GRIN2B: variants seen among roughly 807,000 people sequenced by gnomAD.
GRIN2B encodes the protein glutamate receptor ionotropic, NMDA 2B.
In GRIN2B, 5 loss-of-function variants were observed where a neutral mutation model predicts 114.5. The observed-to-expected ratio is 0.04, with a 90% CI of 0.02 to 0.09. The LOEUF is 0.09. Among genes scored for constraint, GRIN2B ranks in the 10% least tolerant of loss-of-function variants. GRIN2B has a pLI of 1.00. For missense variants in GRIN2B, 1,108 were observed against 1,943.5 expected (o/e 0.57, Z 8.08); for synonymous variants, 787 against 745.1 (o/e 1.06, Z -0.92).
intron 3 of GRIN2B, among the ~76,000 whole-genome samples, chr12:13,843,244 C>G (rs993045279): frequency 6.6e-6 from 1 of 151,628 alleles, no homozygotes; most frequent in Non-Finnish European, 1.5e-5. Flanking sequence ...CACACACACA[C>G]TCGCACAGAC....
At chr12:13,658,381 A>G (rs1320902896) in intron 5 of GRIN2B, among the ~76,000 whole-genome samples, 2 of 152,192 alleles carry the variant, frequency 1.3e-5, no homozygotes, top group African/African-American at 4.8e-5. Flanking sequence ...CGACTGCTAT[A>G]CTTTTGACAT....
intron 2 of GRIN2B, among the ~76,000 whole-genome samples, chr12:13,951,216 T>C (rs1867472447): frequency 6.6e-6 from 1 of 152,196 alleles, no homozygotes; most frequent in Non-Finnish European, 1.5e-5. Context: ...CAAATTTAAT[T>C]GAGTGTTCTA....
At chr12:13,773,575 C>T (rs1006280023) in intron 3 of GRIN2B, among the ~76,000 whole-genome samples, 7 of 152,078 alleles carry the variant, frequency 4.6e-5, no homozygotes, top group Non-Finnish European at 8.8e-5. Context: ...TGGAGTATGA[C>T]GAAACTGTTC....
At chr12:13,600,499 ATG>A (rs201880472) in intron 10 of GRIN2B, among the ~76,000 whole-genome samples, 4,956 of 113,346 alleles carry the variant, frequency 0.044, 134 homozygotes, top group East Asian at 0.21. Flanking sequence ...GTGTGTGTGC[ATG>A]TGTGTGTGTG....
At chr12:13,620,490 C>T (rs1436387181) in intron 5 of GRIN2B, among the ~76,000 whole-genome samples, 1 of 152,180 alleles carries the variant, frequency 6.6e-6, no homozygotes, top group Non-Finnish European at 1.5e-5. Flanking sequence ...TGTTGTTAAA[C>T]GTCAACCAGC....
chr12:13,861,772 C>T (rs1272966622), intron 3 of GRIN2B, among the ~76,000 whole-genome samples: 1 of 152,146 alleles, frequency 6.6e-6, no homozygotes, highest in African/African-American at 2.4e-5. Context: ...CTTGGGTGGT[C>T]TCCAATTTAG....
intron 3 of GRIN2B, among the ~76,000 whole-genome samples, chr12:13,780,150 T>A (rs1245898634): frequency 6.6e-6 from 1 of 152,186 alleles, no homozygotes; most frequent in Non-Finnish European, 1.5e-5. Flanking sequence ...ACTAACTAGA[T>A]GATACCTTTC....
At chr12:13,744,716 A>C (rs1157422501) in intron 4 of GRIN2B, among the ~76,000 whole-genome samples, 3 of 152,170 alleles carry the variant, frequency 2.0e-5, no homozygotes, top group Non-Finnish European at 4.4e-5. Context: ...AGATTTCAGC[A>C]GCGGGAAGCC....
At chr12:13,961,188 G>A (rs1313860843) in intron 2 of GRIN2B, among the ~76,000 whole-genome samples, 3 of 152,030 alleles carry the variant, frequency 2.0e-5, no homozygotes, top group Admixed American at 6.6e-5. Context: ...ATTCCAGTTC[G>A]AGGAAACAGA....
chr12:13,726,959 C>A (rs561166324), intron 4 of GRIN2B, among the ~76,000 whole-genome samples: 2 of 152,074 alleles, frequency 1.3e-5, no homozygotes, highest in Non-Finnish European at 2.9e-5. Context: ...AATTAGTTAT[C>A]GGAGCAATCC....
intron 3 of GRIN2B, among the ~76,000 whole-genome samples, chr12:13,791,553 A>T (rs950957549): frequency 6.6e-6 from 1 of 152,030 alleles, no homozygotes; most frequent in Non-Finnish European, 1.5e-5. Flanking sequence ...AGTATGTTGC[A>T]CTCTGTTTCT....
intron 4 of GRIN2B, among the ~76,000 whole-genome samples, chr12:13,709,198 C>G (rs930068505): frequency 4.6e-5 from 7 of 151,948 alleles, no homozygotes; most frequent in Admixed American, 3.9e-4. Flanking sequence ...TTCAAAGTGT[C>G]ACCAAACTGA....
intron 10 of GRIN2B, among the ~76,000 whole-genome samples, chr12:13,607,409 A>ATTTT (rs1949292483): frequency 6.7e-5 from 4 of 59,564 alleles, no homozygotes; most frequent in African/African-American, 4.6e-4. Context: ...TAATATATAA[A>ATTTT]ATATATAATA....
intron 3 of GRIN2B, among the ~76,000 whole-genome samples, chr12:13,798,052 A>T (rs916533508): frequency 1.3e-5 from 2 of 152,204 alleles, no homozygotes; most frequent in Non-Finnish European, 2.9e-5. Context: ...TGTATTTCTA[A>T]CAAGTCCCAG....
intron 5 of GRIN2B, among the ~76,000 whole-genome samples, chr12:13,641,148 T>C (rs1024104725): frequency 5.3e-5 from 8 of 152,072 alleles, no homozygotes; most frequent in African/African-American, 1.9e-4. Flanking sequence ...CTCAGCTCAC[T>C]GCAACCTCCA....
intron 2 of GRIN2B, among the ~76,000 whole-genome samples, chr12:13,905,111 T>C (rs1866515810): frequency 6.6e-6 from 1 of 152,210 alleles, no homozygotes; most frequent in African/African-American, 2.4e-5. Context: ...TACATAGTTC[T>C]GGTAGAATAA....
intron 3 of GRIN2B, among the ~76,000 whole-genome samples, chr12:13,814,980 G>C (rs1316735404): frequency 6.6e-6 from 1 of 151,924 alleles, no homozygotes; most frequent in African/African-American, 2.4e-5. Flanking sequence ...TTTAAACGTT[G>C]ATCTCATTTT....
intron 2 of GRIN2B, among the ~76,000 whole-genome samples, chr12:13,889,342 G>C (rs1219414711): frequency 6.6e-6 from 1 of 152,042 alleles, no homozygotes; most frequent in Non-Finnish European, 1.5e-5. Context: ...ACATATCTAG[G>C]CACATAAAAC....
At chr12:13,853,226 G>A (rs766906930) in intron 3 of GRIN2B, among the ~76,000 whole-genome samples, 12 of 152,166 alleles carry the variant, frequency 7.9e-5, no homozygotes, top group Non-Finnish European at 1.6e-4. Flanking sequence ...TCTGTTTACT[G>A]TCAGTCAATG....
Sources: allele counts gnomAD v4.1 joint callset (sites outside exome capture counted in the v4.1 genomes callset), GRCh38; gene constraint gnomAD v4.1.1; transcripts MANE v1.5; gene names NCBI Gene and HGNC (gene_info 2026-07-23, HGNC 2026-07-21).